The following KCNMB2 variants were observed in gnomAD, a reference collection of about 807,000 sequenced individuals.
The protein encoded by KCNMB2 is potassium calcium-activated channel subfamily M regulatory beta subunit 2.
A neutral mutation model predicts 24.5 loss-of-function variants in KCNMB2; 9 were observed. That is an observed-to-expected ratio of 0.37 (90% confidence interval 0.22 to 0.64). KCNMB2 has a LOEUF of 0.64. Among genes scored for constraint, KCNMB2 ranks in the 30% least tolerant of loss-of-function variants. KCNMB2 has a pLI of 0.63. For missense variants in KCNMB2, 226 were observed against 284.3 expected, an observed-to-expected ratio of 0.79 and a Z score of 1.47; for synonymous variants, 109 against 104.4, an observed-to-expected ratio of 1.04 and a Z score of -0.27.
At chr3:178,551,014 A>G (rs1212405196) in intron 1 of KCNMB2, among the ~76,000 whole-genome samples, 1 of 152,200 alleles carries the variant, frequency 6.6e-6, no homozygotes, top group Non-Finnish European at 1.5e-5. Context: ...AAAAAGCGGG[A>G]GACCATTTTC....
At chr3:178,660,506 CA>C (rs1720488938) in intron 1 of KCNMB2, among the ~76,000 whole-genome samples, 1 of 152,142 alleles carries the variant, frequency 6.6e-6, no homozygotes, top group Non-Finnish European at 1.5e-5. Context: ...CTGAGCATCA[CA>C]ATAACTTAGA....
chr3:178,651,261 C>G (rs554517290), intron 1 of KCNMB2, among the ~76,000 whole-genome samples: 1 of 152,240 alleles, frequency 6.6e-6, no homozygotes, highest in South Asian at 2.1e-4. Flanking sequence ...GTGCAAAAAT[C>G]ACAAGCATTC....
intron 1 of KCNMB2, among the ~76,000 whole-genome samples, chr3:178,802,249 A>G (rs528106732): frequency 1.3e-5 from 2 of 152,322 alleles, no homozygotes; most frequent in African/African-American, 4.8e-5. Flanking sequence ...TTGAGTTGCC[A>G]GAGTGATGTC....
chr3:178,789,216 C>T lies in KCNMB2; in HGVS notation c.-67-18127C>T, dbSNP rs371051078. Among the ~76,000 whole-genome samples the T allele has an allele frequency of 3.6e-4, 55 of 152,318 alleles. 1 individual carries two copies. In the South Asian group the frequency reaches 0.011, roughly 30 times the overall value. On this transcript the variant is annotated intron_variant, in intron 1 of 4. Coordinates refer to ENST00000452583, the MANE Select transcript of KCNMB2 (RefSeq NM_181361.3). ...TGTCCTCCTGAAACAGATGTCAATGCGTCATGATTATATGAGCAGCAGTTG... is the reference window on the plus strand; with the variant it reads ...TGTCCTCCTGAAACAGATGTCAATGTGTCATGATTATATGAGCAGCAGTTG...
At chr3:178,757,692 G>A (rs868241091) in intron 1 of KCNMB2, among the ~76,000 whole-genome samples, 3 of 36,292 alleles carry the variant, frequency 8.3e-5, no homozygotes, top group Admixed American at 3.0e-4. Context: ...ATATATATAT[G>A]TATATATATC....
At chr3:178,719,930 G>C (rs1421052039) in intron 1 of KCNMB2, among the ~76,000 whole-genome samples, 1 of 151,796 alleles carries the variant, frequency 6.6e-6, no homozygotes, top group Non-Finnish European at 1.5e-5. Flanking sequence ...GTTTTCCCTT[G>C]TCCAGAATAA....
Position 178,807,901 on chromosome 3 carries a change from C to CA in KCNMB2, c.56+442dup, listed in dbSNP as rs941220296. On this transcript the variant is annotated intron_variant, in intron 2 of 4. Coordinates refer to ENST00000452583, the MANE Select transcript of KCNMB2 (RefSeq NM_181361.3). ...TTAACTGAATTAATTTTATTAACAA[C>CA]AAAAAATAATAAAAATATAATATAA... Among the ~76,000 whole-genome samples the CA allele has an allele frequency of 3.7e-4, 56 of 151,194 alleles. 1 individual carries two copies. The highest frequency in any genetic ancestry group is 1.5e-3 in the South Asian group (7 of 4,774).
At chr3:178,642,034 C>T (rs1719747895) in intron 1 of KCNMB2, among the ~76,000 whole-genome samples, 1 of 151,992 alleles carries the variant, frequency 6.6e-6, no homozygotes, top group African/African-American at 2.4e-5. Flanking sequence ...TAGGATTTTG[C>T]CCCCAGGTAA....
At chr3:178,562,613 T>C (rs1014748451) in intron 1 of KCNMB2, among the ~76,000 whole-genome samples, 3 of 152,232 alleles carry the variant, frequency 2.0e-5, no homozygotes, top group Admixed American at 2.0e-4. Flanking sequence ...ATTCTTTATT[T>C]TGAAGGTAAA....
At chr3:178,593,242 T>C (rs1717743545) in intron 1 of KCNMB2, among the ~76,000 whole-genome samples, 1 of 152,050 alleles carries the variant, frequency 6.6e-6, no homozygotes, top group Non-Finnish European at 1.5e-5. Flanking sequence ...ATGTATATAT[T>C]TATGACGTGT....
chr3:178,579,947 GA>G (rs2108488299), intron 1 of KCNMB2, among the ~76,000 whole-genome samples: 1 of 152,200 alleles, frequency 6.6e-6, no homozygotes, highest in African/African-American at 2.4e-5. Flanking sequence ...AGGTAAAAGA[GA>G]ATTTGGTACC....
At chr3:178,659,152 C>T (rs975984616) in intron 1 of KCNMB2, among the ~76,000 whole-genome samples, 2 of 152,222 alleles carry the variant, frequency 1.3e-5, no homozygotes, top group African/African-American at 4.8e-5. Flanking sequence ...ATGAAGCAGT[C>T]ACTATGGAAT....
chr3:178,794,554 A>C (rs1713458568), intron 1 of KCNMB2, among the ~76,000 whole-genome samples: 1 of 152,224 alleles, frequency 6.6e-6, no homozygotes, highest in African/African-American at 2.4e-5. Context: ...AGATCCATCC[A>C]AGTCTGGAAT....
At chr3:178,629,670 C>A (rs141104862) in intron 1 of KCNMB2, among the ~76,000 whole-genome samples, 2 of 152,200 alleles carry the variant, frequency 1.3e-5, no homozygotes, top group African/African-American at 4.8e-5. Context: ...CACACAGATA[C>A]ACAAAGATCA....
chr3:178,802,952 C>T (rs772083050), intron 1 of KCNMB2, among the ~76,000 whole-genome samples: 1 of 152,166 alleles, frequency 6.6e-6, no homozygotes, highest in African/African-American at 2.4e-5. Flanking sequence ...AGAGAAAATT[C>T]AATCCATTTG....
chr3:178,815,968 C>T (rs1167026462), intron 2 of KCNMB2, among the ~76,000 whole-genome samples: 3 of 151,514 alleles, frequency 2.0e-5, no homozygotes, highest in African/African-American at 7.3e-5. Flanking sequence ...AGATATTGAC[C>T]TATAATTTTT....
At chr3:178,549,262 C>T (rs950839780) in intron 1 of KCNMB2, among the ~76,000 whole-genome samples, 1 of 151,186 alleles carries the variant, frequency 6.6e-6, no homozygotes, top group Non-Finnish European at 1.5e-5. Context: ...AGAAGGGAAA[C>T]AATCTGCCTC....
chr3:178,618,834 C>T (rs953991801), intron 1 of KCNMB2, among the ~76,000 whole-genome samples: 3 of 152,150 alleles, frequency 2.0e-5, no homozygotes, highest in African/African-American at 7.2e-5. Flanking sequence ...AGGAAAGATA[C>T]ATTTTATGGT....
intron 1 of KCNMB2, among the ~76,000 whole-genome samples, chr3:178,577,935 C>G (rs1038867570): frequency 1.3e-5 from 2 of 152,170 alleles, no homozygotes; most frequent in African/African-American, 4.8e-5. Flanking sequence ...GAGAATGGAA[C>G]CAAGTTGGAA....
Sources: gnomAD v4.1 joint callset for allele counts (sites outside exome capture counted in the v4.1 genomes callset) on GRCh38, gnomAD v4.1.1 for gene constraint, MANE v1.5 for transcripts, NCBI Gene and HGNC (gene_info 2026-07-23, HGNC 2026-07-21) for gene names.